GRID2: variants seen among roughly 807,000 people sequenced by gnomAD.
The protein encoded by GRID2 is glutamate receptor ionotropic, delta-2.
A neutral mutation model predicts 114.8 loss-of-function variants in GRID2; 33 were observed. That is an observed-to-expected ratio of 0.29 (90% CI 0.22 to 0.38). The LOEUF is 0.38. Among genes scored for constraint, GRID2 ranks in the 10% least tolerant of loss-of-function variants. The pLI is 1.00. For missense variants in GRID2, 1,184 were observed against 1,257.7 expected, an observed-to-expected ratio of 0.94 and a Z score of 0.89; for synonymous variants, 505 against 449.9, an observed-to-expected ratio of 1.12 and a Z score of -1.55.
At chr4:92,491,840 A>G (rs1273314247) in intron 1 of GRID2, among the ~76,000 whole-genome samples, 4 of 152,164 alleles carry the variant, frequency 2.6e-5, no homozygotes, top group South Asian at 4.1e-4. Flanking sequence ...AACATTTCTC[A>G]TATCACTTTA....
At position 93,410,585 on chromosome 4, in the gene GRID2, ATTTG is replaced by A. The variant is rs796786519; in HGVS notation, c.1348-12173_1348-12170del. Among the ~76,000 whole-genome samples, 14 of 151,838 alleles carry A rather than the reference ATTTG, an allele frequency of 9.2e-5. No individual in the cohort carries two copies. In the South Asian group the frequency reaches 1.9e-3, roughly 20 times the overall value. ...TTCTGACCTCTCTATTCCTTTGTTT[ATTTG>A]TTTGTTTGTTTGAGACAGAGTTTCA... On this transcript the variant is annotated intron_variant, in intron 9 of 15. Coordinates refer to ENST00000282020, the MANE Select transcript of GRID2 (RefSeq NM_001510.4).
At chr4:93,676,818 C>G (rs181549826) in intron 14 of GRID2, among the ~76,000 whole-genome samples, 2 of 149,434 alleles carry the variant, frequency 1.3e-5, no homozygotes, top group African/African-American at 4.9e-5. Flanking sequence ...TGAATAGGAA[C>G]AGCCCCGGTC....
intron 2 of GRID2, among the ~76,000 whole-genome samples, chr4:92,809,038 G>A (rs974202715): frequency 1.6e-4 from 25 of 151,640 alleles, no homozygotes; most frequent in Non-Finnish European, 2.1e-4. Context: ...GTATAATTGC[G>A]GAAATAGGTC....
chr4:93,143,569 A>C (rs2149388556), intron 4 of GRID2, among the ~76,000 whole-genome samples: 1 of 152,320 alleles, frequency 6.6e-6, no homozygotes, highest in South Asian at 2.1e-4. Context: ...ATGAAGGTGA[A>C]AATTTGGTAT....
At chr4:93,099,630 T>G (rs1731532030) in intron 3 of GRID2, among the ~76,000 whole-genome samples, 1 of 151,894 alleles carries the variant, frequency 6.6e-6, no homozygotes, top group Non-Finnish European at 1.5e-5. Flanking sequence ...ACTTTATGGA[T>G]GAATCAGAGG....
intron 13 of GRID2, among the ~76,000 whole-genome samples, chr4:93,550,327 A>G (rs1229312171): frequency 6.6e-6 from 1 of 152,186 alleles, no homozygotes; most frequent in Non-Finnish European, 1.5e-5. Context: ...ATGACAAAGT[A>G]GTTTAATAAT....
chr4:92,404,295 A>G (rs894398126), intron 1 of GRID2, among the ~76,000 whole-genome samples: 4 of 152,138 alleles, frequency 2.6e-5, no homozygotes, highest in African/African-American at 9.6e-5. Context: ...AGAGAAAAAC[A>G]ATTCTGATTC....
At chr4:93,353,259 A>ACTTCTAC (rs1346764234) in intron 8 of GRID2, among the ~76,000 whole-genome samples, 1 of 151,996 alleles carries the variant, frequency 6.6e-6, no homozygotes, top group Non-Finnish European at 1.5e-5. Flanking sequence ...ACCAGATGTA[A>ACTTCTAC]CTTCTACCAA....
intron 2 of GRID2, among the ~76,000 whole-genome samples, chr4:93,022,651 C>T (rs1723490991): frequency 6.6e-6 from 1 of 151,816 alleles, no homozygotes; most frequent in South Asian, 2.1e-4. Flanking sequence ...TCTTAATTTA[C>T]CCTTTGTCAA....
chr4:93,769,575 A>T, intron 15 of GRID2, 125 bp downstream of exon 15: 2 of 816,924 alleles, frequency 2.4e-6, no homozygotes, highest in Non-Finnish European at 3.8e-6. Context: ...TGAAGATTAA[A>T]AATAAAGTTG....
intron 1 of GRID2, among the ~76,000 whole-genome samples, chr4:92,586,665 A>G (rs571479752): frequency 2.0e-5 from 3 of 152,058 alleles, no homozygotes; most frequent in African/African-American, 7.2e-5. Flanking sequence ...CATTGCTTTA[A>G]TATTACTATA....
chr4:93,432,816 C>T (rs560720038), intron 10 of GRID2, among the ~76,000 whole-genome samples: 2 of 152,246 alleles, frequency 1.3e-5, no homozygotes, highest in South Asian at 2.1e-4. Context: ...AATCCCAACA[C>T]TTTGGGAGGC....
intron 2 of GRID2, among the ~76,000 whole-genome samples, chr4:92,713,473 ATACATATATATAT>A (rs1304254150): frequency 4.2e-5 from 3 of 72,262 alleles, no homozygotes; most frequent in Non-Finnish European, 5.3e-5. Flanking sequence ...ACATATACAT[ATACATATATATAT>A]ATATATATAT....
At chr4:92,914,856 A>G (rs1209577835) in intron 2 of GRID2, among the ~76,000 whole-genome samples, 1 of 152,030 alleles carries the variant, frequency 6.6e-6, no homozygotes, top group Non-Finnish European at 1.5e-5. Context: ...TGTCTTTGCT[A>G]TTATAAGTAG....
intron 7 of GRID2, among the ~76,000 whole-genome samples, chr4:93,225,617 C>T (rs983613449): frequency 3.3e-5 from 5 of 151,770 alleles, no homozygotes; most frequent in African/African-American, 1.2e-4. Context: ...AGAAAAATAG[C>T]TAGTCAATTG....
chr4:92,321,976 T>C, intron 1 of GRID2, among the ~76,000 whole-genome samples: 1 of 152,136 alleles, frequency 6.6e-6, no homozygotes, highest in East Asian at 1.9e-4. Flanking sequence ...ATTTAAAATA[T>C]GGACTTATGG....
intron 11 of GRID2, among the ~76,000 whole-genome samples, chr4:93,480,404 A>T (rs1269998265): frequency 6.6e-6 from 1 of 152,092 alleles, no homozygotes; most frequent in Non-Finnish European, 1.5e-5. Context: ...TTGAGGCTAG[A>T]TTTCTGCCTT....
chr4:92,623,908 T>C (rs908138332), intron 2 of GRID2, among the ~76,000 whole-genome samples: 5 of 151,758 alleles, frequency 3.3e-5, no homozygotes, highest in African/African-American at 1.2e-4. Context: ...AAAAGGTTAG[T>C]CTGCAGTCCC....
At chr4:92,600,206 ATATTTTTG>A (rs1255353284) in intron 2 of GRID2, among the ~76,000 whole-genome samples, 2 of 151,256 alleles carry the variant, frequency 1.3e-5, no homozygotes, top group African/African-American at 4.9e-5. Context: ...ATGCTAAGAA[ATATTTTTG>A]TATTTTTGAA....
Sources: allele counts gnomAD v4.1 joint callset (sites outside exome capture counted in the v4.1 genomes callset), GRCh38; gene constraint gnomAD v4.1.1; transcripts MANE v1.5; gene names NCBI Gene and HGNC (gene_info 2026-07-23, HGNC 2026-07-21).